The following ROBO2 variants were observed in gnomAD, a reference collection of about 807,000 sequenced individuals.
The protein encoded by ROBO2 is roundabout homolog 2.
ROBO2 carries 53 observed loss-of-function variants against 160.8 expected under a neutral mutation model. The observed-to-expected ratio is 0.33, with a 90% CI of 0.26 to 0.41. The LOEUF is 0.41. Ranked by LOEUF, ROBO2 falls within the 10% of genes least tolerant of loss-of-function variation. ROBO2 has a pLI of 1.00. For missense variants in ROBO2, 1,577 were observed against 1,722.4 expected (o/e 0.92, Z 1.49); for synonymous variants, 664 against 611.7 (o/e 1.09, Z -1.26).
At chr3:77,525,324 C>A (rs1426548535) in intron 6 of ROBO2, among the ~76,000 whole-genome samples, 2 of 143,952 alleles carry the variant, frequency 1.4e-5, no homozygotes, top group East Asian at 4.3e-4. Flanking sequence ...AAAATTTTAT[C>A]ATAACATTCA....
chr3:76,630,477 A>C (rs1488473287), intron 2 of ROBO2, among the ~76,000 whole-genome samples: 1 of 152,206 alleles, frequency 6.6e-6, no homozygotes, highest in Non-Finnish European at 1.5e-5. Context: ...TTTATTTAGA[A>C]GTTTGTGAAA....
chr3:77,298,352 T>G (rs995093676), intron 2 of ROBO2, among the ~76,000 whole-genome samples: 1 of 152,152 alleles, frequency 6.6e-6, no homozygotes, highest in Non-Finnish European at 1.5e-5. Flanking sequence ...TTCACCTCCA[T>G]GAAGTTTCAT....
chr3:77,326,463 T>C (rs2065405892), intron 2 of ROBO2, among the ~76,000 whole-genome samples: 1 of 152,218 alleles, frequency 6.6e-6, no homozygotes, highest in South Asian at 2.1e-4. Flanking sequence ...TGCTTCTTTC[T>C]GAAAATCACC....
chr3:76,218,619 C>A (rs1403281108), intron 2 of ROBO2, among the ~76,000 whole-genome samples: 2 of 152,106 alleles, frequency 1.3e-5, no homozygotes, highest in African/African-American at 4.8e-5. Context: ...ATGTGAGGGA[C>A]CTCTTCAAGG....
chr3:77,008,770 G>A (rs2061715785), intron 2 of ROBO2, among the ~76,000 whole-genome samples: 1 of 152,096 alleles, frequency 6.6e-6, no homozygotes, highest in African/African-American at 2.4e-5. Flanking sequence ...GAATCATTTA[G>A]GAACAAAACA....
At chr3:77,331,965 C>A (rs929646902) in intron 2 of ROBO2, among the ~76,000 whole-genome samples, 2 of 152,168 alleles carry the variant, frequency 1.3e-5, no homozygotes, top group African/African-American at 2.4e-5. Context: ...CTCGGCCTCC[C>A]AAAGTGCTGG....
Position 77,515,469 on chromosome 3 carries a change from G to A in ROBO2, c.807-7306G>A, listed in dbSNP as rs74363317. ...TTAAATAATTTTAAAATATTACTAGGCCAACACGCACACACACAACTACAA... is the reference window on the plus strand; with the variant it reads ...TTAAATAATTTTAAAATATTACTAGACCAACACGCACACACACAACTACAA... On this transcript the variant is annotated intron_variant, in intron 5 of 25. Coordinates refer to ENST00000461745, the Ensembl canonical transcript of ROBO2. Among the ~76,000 whole-genome samples the A allele has an allele frequency of 6.4e-3, 964 of 151,574 alleles. 10 individuals are homozygous for A. Among genetic ancestry groups the A allele is most frequent in the African/African-American group, 0.022 (925 of 41,396 alleles).
At chr3:76,436,159 A>AAACACACACACACACAC (rs1553752319) in intron 2 of ROBO2, among the ~76,000 whole-genome samples, 7 of 140,522 alleles carry the variant, frequency 5.0e-5, no homozygotes, top group African/African-American at 1.6e-4. Flanking sequence ...TTAAAAGGAA[A>AAACACACACACACACAC]ACACACACAC....
At chr3:75,941,740 G>A (rs73841032) in intron 2 of ROBO2, among the ~76,000 whole-genome samples, 1 of 151,994 alleles carries the variant, frequency 6.6e-6, no homozygotes, top group Non-Finnish European at 1.5e-5. Context: ...AGTTTTATTG[G>A]TCTTCACCAT....
Position 76,587,460 on chromosome 3 carries a change from G to A in ROBO2, c.110-510554G>A, listed in dbSNP as rs545657278. Among the ~76,000 whole-genome samples the A allele has an allele frequency of 2.0e-5, 3 of 152,212 alleles. No individual in the cohort carries two copies. The Middle Eastern group carries it at 0.01, about 518-fold the overall frequency. On this transcript the variant is annotated intron_variant, in intron 2 of 26. Coordinates refer to the ROBO2 transcript ENST00000487694. The stretch of plus-strand genomic sequence containing the variant: ...GGAAACTTACAATTGTGGTGGAGGG[G>A]GAAGCAAACGCACCTTCCTCACATG...
At chr3:77,550,777 G>C (rs1422570005) in intron 7 of ROBO2, 41 bp from the exon 9 acceptor site, 4 of 1,606,346 alleles carry the variant, frequency 2.5e-6, no homozygotes, top group Admixed American at 1.7e-5. Context: ...ATTTTTTTAA[G>C]TGGAAAATGA....
At chr3:76,513,384 A>T (rs1485064849) in intron 2 of ROBO2, among the ~76,000 whole-genome samples, 1 of 151,884 alleles carries the variant, frequency 6.6e-6, no homozygotes, top group Non-Finnish European at 1.5e-5. Flanking sequence ...GAAGAGTCTC[A>T]CTCTGTCACC....
chr3:76,297,288 A>G (rs555094249), intron 2 of ROBO2, among the ~76,000 whole-genome samples: 5 of 152,304 alleles, frequency 3.3e-5, no homozygotes, highest in African/African-American at 9.6e-5. Context: ...TCATCAGTCT[A>G]AAGAAGAGTT....
chr3:76,242,556 G>A (rs549654104), intron 2 of ROBO2, among the ~76,000 whole-genome samples: 2 of 152,188 alleles, frequency 1.3e-5, no homozygotes, highest in African/African-American at 4.8e-5. Flanking sequence ...CCCTTCTCCT[G>A]AAAGCATGTT....
intron 2 of ROBO2, among the ~76,000 whole-genome samples, chr3:77,390,114 G>T (rs2074565400): frequency 6.6e-6 from 1 of 152,108 alleles, no homozygotes; most frequent in African/African-American, 2.4e-5. Flanking sequence ...ATGAGATGAA[G>T]GTGGTAAGAT....
At chr3:76,474,203 G>T (rs191270672) in intron 2 of ROBO2, among the ~76,000 whole-genome samples, 12 of 152,224 alleles carry the variant, frequency 7.9e-5, no homozygotes, top group Non-Finnish European at 1.6e-4. Flanking sequence ...TACAGGAAGT[G>T]CTTTAAGTGA....
intron 2 of ROBO2, among the ~76,000 whole-genome samples, chr3:76,343,038 C>G (rs1455923397): frequency 2.0e-5 from 3 of 151,638 alleles, no homozygotes; most frequent in African/African-American, 4.8e-5. Flanking sequence ...TCAAATGTTC[C>G]AAAGACAAGA....
intron 2 of ROBO2, among the ~76,000 whole-genome samples, chr3:76,798,304 GAAAGAAAGAAAA>G (rs1289563057): frequency 3.3e-4 from 49 of 149,910 alleles, no homozygotes; most frequent in African/African-American, 1.0e-3. Context: ...AAGAAAGAAA[GAAAGAAAGAAAA>G]AAGAACGAAT....
intron 2 of ROBO2, among the ~76,000 whole-genome samples, chr3:77,331,769 TA>T (rs1400661783): frequency 1.3e-5 from 2 of 152,140 alleles, no homozygotes; most frequent in Non-Finnish European, 2.9e-5. Context: ...AGTGGCGCGA[TA>T]TGTCGGCTCA....
Sources: gnomAD v4.1 joint callset for allele counts (sites outside exome capture counted in the v4.1 genomes callset) on GRCh38, gnomAD v4.1.1 for gene constraint, MANE v1.5 for transcripts, NCBI Gene and HGNC (gene_info 2026-07-23, HGNC 2026-07-21) for gene names.